The following TNC variants were observed in gnomAD, a reference collection of about 807,000 sequenced individuals.
The protein encoded by TNC is tenascin.
TNC carries 109 observed loss-of-function variants against 202.4 expected under a neutral mutation model. That is an observed-to-expected ratio of 0.54 (90% CI 0.46 to 0.63). The LOEUF (loss-of-function observed/expected upper bound fraction) is 0.63, where lower values mean the gene tolerates loss of function less well. Ranked by LOEUF, TNC falls within the 30% of genes least tolerant of loss-of-function variation. The pLI, the probability that TNC is intolerant of heterozygous loss-of-function variation, is 0.00. For missense variants in TNC, 2,756 were observed against 2,833.3 expected (o/e 0.97, Z 0.62); for synonymous variants, 1,007 against 1,089.7 (o/e 0.92, Z 1.50).
Position 115,090,701 on chromosome 9 carries a change from G to A in TNC, c.318C>T (p.Ile106=). ...NQIVFTHRIN[I]PRRACGCAAA... ...CGGCACAGCCACAGGCCCGGCGGGG[G>A]ATGTTGATGCGATGTGTGAAGACAA... is the stretch of plus-strand genomic sequence containing the variant. Residue 106 remains isoleucine, a synonymous_variant, in exon 2 of 28, where the codon ATC becomes ATT. Coordinates refer to ENST00000350763, the MANE Select transcript of TNC (RefSeq NM_002160.4). 1 of 1,614,184 alleles carries A rather than the reference G, an allele frequency of 6.2e-7. No homozygotes were observed.
intron 19 of TNC, 121 bp downstream of exon 19, chr9:115,040,820 C>T: frequency 1.5e-6 from 2 of 1,299,246 alleles, no homozygotes; most frequent in South Asian, 3.4e-5. Flanking sequence ...ATAAAACCCC[C>T]CTTTTTTTCC....
intron 25 of TNC, 145 bp downstream of exon 25, chr9:115,029,215 T>C: frequency 1.5e-6 from 1 of 671,092 alleles, no homozygotes; most frequent in African/African-American, 1.8e-5. Flanking sequence ...GTCTTTTTCA[T>C]TAAGAATTTG....
At position 115,077,933 on chromosome 9, in the gene TNC, G is replaced by A. The variant is rs906305935; in HGVS notation, c.2674+10C>T. 4.0e-5 allele frequency: 65 copies of A among 1,611,646 alleles called. No homozygotes were observed. The highest frequency in any genetic ancestry group is 5.1e-5 in the Non-Finnish European group (60 of 1,178,174). On this transcript the variant is annotated intron_variant, in intron 7 of 27. Coordinates refer to ENST00000350763, the MANE Select transcript of TNC (RefSeq NM_002160.4). Reference sequence around the variant, plus strand: ...TTTACTATATCTGTTAACAGGGGGAGGCCTTTTACCTGTTGTGAAGGTCTC... The same window carrying A: ...TTTACTATATCTGTTAACAGGGGGAAGCCTTTTACCTGTTGTGAAGGTCTC...
Position 115,064,728 on chromosome 9 carries a change from C to G in TNC, c.3406G>C (p.Ala1136Pro), listed in dbSNP as rs144798276. The change falls in exon 11 of 28, where the codon GCT (alanine) becomes CCT (proline). Residue 1136 changes from alanine to proline, a missense_variant. Ala to Pro is a conservative substitution (Grantham distance 27). Coordinates refer to ENST00000350763, the MANE Select transcript of TNC (RefSeq NM_002160.4). ...LRAVDIPGLK[A>P]ATPYTVSIYG... ...ATGGAGACTGTATAAGGCGTAGCAG[C>G]CTTGAGGCCCGGTATGTCCACAGCC... 4 of 1,614,076 alleles carry G rather than the reference C, an allele frequency of 2.5e-6. No homozygotes were observed. The highest frequency in any genetic ancestry group is 1.6e-4 in the Middle Eastern group (1 of 6,084).
At chr9:115,024,642 T>C (rs989799819) in intron 26 of TNC, among the ~76,000 whole-genome samples, 2 of 152,220 alleles carry the variant, frequency 1.3e-5, no homozygotes, top group Non-Finnish European at 2.9e-5. Flanking sequence ...CATTTAATAA[T>C]GGCATGCTTT....
chr9:115,097,927 G>C (rs1208190479), intron 1 of TNC, among the ~76,000 whole-genome samples: 1 of 152,176 alleles, frequency 6.6e-6, no homozygotes, highest in Non-Finnish European at 1.5e-5. Flanking sequence ...TAAGCAATAT[G>C]GCACCTCTGT....
intron 3 of TNC, 145 bp downstream of exon 3, chr9:115,085,719 T>G: frequency 1.2e-6 from 1 of 863,218 alleles, no homozygotes; most frequent in Non-Finnish European, 1.7e-6. Flanking sequence ...AAAGTCATTA[T>G]GGGTGTGTGT....
intron 10 of TNC, among the ~76,000 whole-genome samples, chr9:115,067,749 T>C (rs1162347088): frequency 6.6e-6 from 1 of 152,226 alleles, no homozygotes; most frequent in Non-Finnish European, 1.5e-5. Context: ...GAGTGATTTT[T>C]TTTTTACATA....
chr9:115,026,598 C>A lies in TNC; in HGVS notation c.6267G>T (p.Lys2089Asn). 2 of 1,614,074 alleles carry A rather than the reference C, an allele frequency of 1.2e-6. No individual in the cohort carries two copies. The highest frequency in any genetic ancestry group is 1.3e-5 in the African/African-American group (1 of 75,030). The change falls in exon 26 of 28, where the codon AAG becomes AAT. Residue 2089 changes from lysine (K) to asparagine (N), a missense_variant. Around this residue, in one of 2 missense-constraint regions of TNC, gnomAD observed 197 missense variants for 287.3 expected, o/e 0.69. Transcript: ENST00000350763. The stretch of plus-strand genomic sequence containing the variant: ...GAGTCTTGGCATCTCCCACGCTGAA[C>A]TTGTCATAGACAGCAAAGGCTGTCT... ...HGETAFAVYD[K>N]FSVGDAKTRY...
intron 13 of TNC, among the ~76,000 whole-genome samples, chr9:115,062,197 CT>C (rs373591260): frequency 7.4e-4 from 113 of 152,306 alleles, no homozygotes; most frequent in African/African-American, 2.6e-3. Flanking sequence ...GTGATGGGCG[CT>C]TTACTAAGCA....
chr9:115,084,613 G>A (rs1324854218), intron 3 of TNC, 141 bp from the exon 4 acceptor site: 1 of 1,017,414 alleles, frequency 9.8e-7, no homozygotes, highest in African/African-American at 1.6e-5. Flanking sequence ...ATGGCATCAG[G>A]GACCCCCTGC....
intron 2 of TNC, among the ~76,000 whole-genome samples, chr9:115,089,531 G>A (rs183534730): frequency 1.4e-4 from 21 of 148,644 alleles, no homozygotes; most frequent in African/African-American, 5.0e-4. Flanking sequence ...ATGGTGTTTT[G>A]CTCTTGTCAC....
At chr9:115,066,036 A>G in intron 10 of TNC, among the ~76,000 whole-genome samples, 1 of 152,162 alleles carries the variant, frequency 6.6e-6, no homozygotes, top group East Asian at 1.9e-4. Flanking sequence ...TCATATTAGT[A>G]AAGATCAGAG....
chr9:115,086,062 C>T lies in TNC; in HGVS notation c.1669G>A (p.Asp557Asn), dbSNP rs778412944. 7 of 1,614,202 alleles carry T rather than the reference C, an allele frequency of 4.3e-6. No homozygotes were observed. The Admixed American group carries it at 1.2e-4, about 27-fold the overall frequency. ...CVCHEGFMGKDCKEQRCPSDC... is the reference protein window; with the variant it reads ...CVCHEGFMGKNCKEQRCPSDC... ...CTGGGACATCTTTGCTCCTTGCAGT[C>T]TTTGCCCATAAATCCTTCATGGCAC... The change falls in exon 3 of 28, where the codon GAC becomes AAC. Residue 557 changes from aspartate to asparagine, a missense_variant. Coordinates refer to ENST00000350763, the MANE Select transcript of TNC (RefSeq NM_002160.4).
chr9:115,031,810 T>C, intron 22 of TNC, 125 bp from the exon 23 acceptor site: 1 of 1,183,320 alleles, frequency 8.5e-7, no homozygotes, highest in South Asian at 1.6e-5. Flanking sequence ...CAAGAATTCA[T>C]TGAGTACCCA....
Position 115,037,972 on chromosome 9 carries a change from T to G in TNC, c.5512+289A>C, listed in dbSNP as rs116895142. 1.5e-3 allele frequency among the ~76,000 whole-genome samples: 226 copies of G among 152,340 alleles called. 1 individual carries two copies. Among genetic ancestry groups the G allele is most frequent in the Non-Finnish European group, 2.5e-3 (170 of 68,026 alleles). ...TTCTTTGTAAAAGATGACAACTGTT[T>G]CCTAAACGGGGTGTCTCACACTGGT... On this transcript the variant is annotated intron_variant, in intron 20 of 27. Coordinates refer to ENST00000350763, the MANE Select transcript of TNC (RefSeq NM_002160.4).
rs1451825886 is a variant in TNC, at chr9:115,048,399, G to C, written c.4713C>G (p.Asp1571Glu). Residue 1571 changes from aspartate to glutamate, a missense_variant, in exon 16 of 28, where the codon GAC becomes GAG. Physicochemically the swap from Asp to Glu is conservative, Grantham distance 45. Around this residue, in one of 2 missense-constraint regions of TNC, gnomAD observed 2,559 missense variants for 2,546.0 expected, o/e 1.01. Coordinates refer to ENST00000350763, the MANE Select transcript of TNC (RefSeq NM_002160.4). The stretch of plus-strand genomic sequence containing the variant: ...TTCCTGAAAGTGTGAATTCCTGGGG[G>C]TCCAGCAGCTTCCCAGAATCCACCA... ...VTVVDSGKLL[D>E]PQEFTLSGTQ... 6.2e-7 allele frequency: 1 copy of C among 1,614,036 alleles called. No homozygotes were observed.
chr9:115,112,116 G>A (rs1837121716), intron 1 of TNC, among the ~76,000 whole-genome samples: 1 of 152,200 alleles, frequency 6.6e-6, no homozygotes. Flanking sequence ...GCTGTTGAGA[G>A]AATAAGACTC....
intron 20 of TNC, among the ~76,000 whole-genome samples, chr9:115,037,166 A>G (rs1830395384): frequency 1.3e-5 from 2 of 152,190 alleles, no homozygotes; most frequent in Admixed American, 6.5e-5. Flanking sequence ...TCTGTCCTCA[A>G]AAAGACCTCT....
Sources: gnomAD v4.1 joint callset for allele counts (sites outside exome capture counted in the v4.1 genomes callset) on GRCh38, gnomAD v4.1.1 for gene constraint, gnomAD v4.1.1 regional missense constraint, MANE v1.5 for transcripts, NCBI Gene and HGNC (gene_info 2026-07-23, HGNC 2026-07-21) for gene names.